Variants in WDR70 observed in about 807,000 individuals in gnomAD.
The protein encoded by WDR70 is WD repeat domain 70.
Under a neutral mutation model 88.6 loss-of-function variants are expected in WDR70, and 53 were observed. The observed-to-expected ratio is 0.60, with a 90% confidence interval of 0.48 to 0.75. WDR70 has a LOEUF of 0.75. WDR70 is among the 30% of genes least tolerant of loss of function. WDR70 has a pLI of 0.00. For missense variants in WDR70, 610 were observed against 823.2 expected (o/e 0.74, Z 3.17); for synonymous variants, 280 against 270.0 (o/e 1.04, Z -0.36).
intron 10 of WDR70, among the ~76,000 whole-genome samples, chr5:37,681,062 A>G (rs1746416011): frequency 6.6e-6 from 1 of 152,166 alleles, no homozygotes; most frequent in Admixed American, 6.5e-5. Context: ...GACTCTTCCT[A>G]TCCATGAGCA....
intron 9 of WDR70, among the ~76,000 whole-genome samples, chr5:37,524,707 G>A (rs1457742557): frequency 1.3e-5 from 2 of 151,828 alleles, no homozygotes; most frequent in East Asian, 1.9e-4. Context: ...AAGAGTCAAG[G>A]CCCATCAGTG....
intron 9 of WDR70, among the ~76,000 whole-genome samples, chr5:37,533,450 A>G (rs1052035228): frequency 1.3e-5 from 2 of 148,388 alleles, no homozygotes; most frequent in Admixed American, 6.7e-5. Flanking sequence ...ACAAAACAAC[A>G]AAACAATCAC....
chr5:37,717,865 A>G (rs1747695180), intron 13 of WDR70, among the ~76,000 whole-genome samples: 1 of 152,212 alleles, frequency 6.6e-6, no homozygotes, highest in Non-Finnish European at 1.5e-5. Flanking sequence ...ATATTAATAA[A>G]CAAAAAAGGC....
In WDR70 at chr5:37,449,612, AAAAAAT is replaced by A. The variant is rs1285827704; in HGVS notation, c.686+6244_686+6249del. ...TCTCAAAAAAAAAAAAATAAAAAAT[AAAAAAT>A]AAATAAATAAATAAATAAAATCAAA... On this transcript the variant is annotated intron_variant, in intron 7 of 17. Coordinates refer to ENST00000265107, the MANE Select transcript of WDR70 (RefSeq NM_018034.4). 8.5e-3 allele frequency among the ~76,000 whole-genome samples: 277 copies of A among 32,716 alleles called. 3 individuals are homozygous for A. Among genetic ancestry groups the A allele is most frequent in the South Asian group, 0.021 (10 of 486 alleles). 21.5% of individuals were successfully genotyped at this position (32,716 alleles called of 152,430 possible). A position where few individuals can be genotyped will look rare whatever the true frequency, so the allele number is the denominator to read the frequency against.
At chr5:37,656,049 C>T (rs1327430188) in intron 10 of WDR70, among the ~76,000 whole-genome samples, 1 of 116,110 alleles carries the variant, frequency 8.6e-6, no homozygotes, top group African/African-American at 2.6e-5. Flanking sequence ...AGCCTTTTTG[C>T]CCTGGTTTTT....
At chr5:37,564,439 A>T (rs1274934099) in intron 9 of WDR70, among the ~76,000 whole-genome samples, 2 of 152,178 alleles carry the variant, frequency 1.3e-5, no homozygotes, top group East Asian at 3.9e-4. Context: ...AGGCAGGAGA[A>T]TCAGGCAGGG....
intron 9 of WDR70, among the ~76,000 whole-genome samples, chr5:37,599,844 G>A (rs539659466): frequency 1.4e-4 from 21 of 151,440 alleles, no homozygotes; most frequent in African/African-American, 4.4e-4. Flanking sequence ...AGTGAGCCGA[G>A]ATCGTCCTGC....
chr5:37,698,143 T>G (rs1408326039), intron 11 of WDR70, among the ~76,000 whole-genome samples: 7 of 152,144 alleles, frequency 4.6e-5, no homozygotes, highest in African/African-American at 1.7e-4. Flanking sequence ...GACCATTGCT[T>G]TTTTTTCTCT....
rs1191663068 is a variant in WDR70, at chr5:37,752,756, G to T, written c.*183G>T. On this transcript the variant is annotated 3_prime_UTR_variant, in exon 18 of 18. Transcript: ENST00000265107. ...AAATTGTGCTTAAATTTTCTTACCT[G>T]CAACTATTAAACTGATTACAGATAA... 3 of 536,228 alleles carry T rather than the reference G, an allele frequency of 5.6e-6. No homozygotes were observed. Among genetic ancestry groups the T allele is most frequent in the Non-Finnish European group, 6.5e-6 (2 of 305,684 alleles). The allele number at this position is 536,228 out of a possible 1,614,324, so 33.2% of individuals were successfully genotyped here. A position where few individuals can be genotyped will look rare whatever the true frequency, so the allele number is the denominator to read the frequency against.
At chr5:37,708,509 G>A (rs1481617374) in intron 13 of WDR70, among the ~76,000 whole-genome samples, 1 of 151,606 alleles carries the variant, frequency 6.6e-6, no homozygotes, top group African/African-American at 2.4e-5. Flanking sequence ...AGTATATTCT[G>A]GAAATGAATG....
chr5:37,586,903 GCTCTCTGACAC>G (rs1216039823), intron 9 of WDR70, among the ~76,000 whole-genome samples: 22 of 152,190 alleles, frequency 1.4e-4, no homozygotes, highest in African/African-American at 4.8e-4. Context: ...ATGTCACACA[GCTCTCTGACAC>G]TTAACTTGCT....
intron 10 of WDR70, among the ~76,000 whole-genome samples, chr5:37,623,657 A>G (rs1031965123): frequency 1.3e-5 from 2 of 152,094 alleles, no homozygotes; most frequent in African/African-American, 2.4e-5. Context: ...TCTTCTTATG[A>G]TCTTCTTTAA....
chr5:37,729,978 C>A (rs946041494), intron 17 of WDR70, among the ~76,000 whole-genome samples: 1 of 152,038 alleles, frequency 6.6e-6, no homozygotes, highest in East Asian at 1.9e-4. Flanking sequence ...TGAGCAGATA[C>A]GTAAGTATCT....
At chr5:37,463,601 T>C (rs1350478883) in intron 7 of WDR70, among the ~76,000 whole-genome samples, 1 of 152,232 alleles carries the variant, frequency 6.6e-6, no homozygotes, top group African/African-American at 2.4e-5. Context: ...TTGTGCAATG[T>C]CACTAAGCCT....
chr5:37,533,457 TCACCACCACCAC>T (rs35578229), intron 9 of WDR70, among the ~76,000 whole-genome samples: 39 of 141,280 alleles, frequency 2.8e-4, no homozygotes, highest in South Asian at 1.2e-3. Context: ...AACAAAACAA[TCACCACCACCAC>T]CACCACCACC....
chr5:37,689,200 A>C (rs1347270482), intron 10 of WDR70, among the ~76,000 whole-genome samples: 1 of 152,248 alleles, frequency 6.6e-6, no homozygotes, highest in Non-Finnish European at 1.5e-5. Flanking sequence ...AACTGGGTGG[A>C]GCCCACTGCA....
chr5:37,627,345 A>G (rs1744697091), intron 10 of WDR70, among the ~76,000 whole-genome samples: 1 of 152,104 alleles, frequency 6.6e-6, no homozygotes, highest in African/African-American at 2.4e-5. Flanking sequence ...GTGGGCTCAA[A>G]TGATCCTCCA....
intron 13 of WDR70, among the ~76,000 whole-genome samples, chr5:37,712,573 T>A (rs1747543831): frequency 6.6e-6 from 1 of 152,220 alleles, no homozygotes. Flanking sequence ...TTGTTTGAAT[T>A]TGACACTTTA....
intron 10 of WDR70, among the ~76,000 whole-genome samples, chr5:37,612,496 A>G (rs1266992378): frequency 6.6e-6 from 1 of 152,158 alleles, no homozygotes; most frequent in Non-Finnish European, 1.5e-5. Flanking sequence ...GGATTGTATT[A>G]GGTAATATAT....
Sources: allele counts gnomAD v4.1 joint callset (sites outside exome capture counted in the v4.1 genomes callset), GRCh38; gene constraint gnomAD v4.1.1; transcripts MANE v1.5; gene names NCBI Gene and HGNC (gene_info 2026-07-23, HGNC 2026-07-21).